UST: variants seen among roughly 807,000 people sequenced by gnomAD.
UST encodes uronyl 2-sulfotransferase.
Under a neutral mutation model 45.6 loss-of-function variants are expected in UST, and 21 were observed. The ratio of observed to expected loss-of-function variants is 0.46; its 90% CI spans 0.33 to 0.66. UST has a LOEUF of 0.66. Among genes scored for constraint, UST ranks in the 30% least tolerant of loss-of-function variants. The pLI, the probability that UST is intolerant of heterozygous loss-of-function variation, is 0.02. For missense variants in UST, 463 were observed against 512.4 expected (o/e 0.90, Z 0.93); for synonymous variants, 215 against 200.6 (o/e 1.07, Z -0.61).
In UST at chr6:148,908,000, G is replaced by A. The variant is rs148577545; in HGVS notation, c.291+20971G>A. Reference sequence around the variant, plus strand: ...CTTGGCTCACTGCAACCTCCGTCTCGCAGGTTCAAGCAATTCTCCTACCTC... The same window carrying A: ...CTTGGCTCACTGCAACCTCCGTCTCACAGGTTCAAGCAATTCTCCTACCTC... On this transcript the variant is annotated intron_variant, in intron 2 of 7. Transcript: ENST00000367463. Among the ~76,000 whole-genome samples the A allele has an allele frequency of 6.9e-3, 998 of 144,624 alleles. 10 individuals carry two copies. The highest frequency in any genetic ancestry group is 0.024 in the African/African-American group (944 of 39,238). The allele number at this position is 144,624 out of a possible 152,430, so 94.9% of individuals were successfully genotyped here.
At chr6:148,789,694 GCTGAATTACAGAGCCTC>G (rs1353727928) in intron 1 of UST, among the ~76,000 whole-genome samples, 1 of 151,788 alleles carries the variant, frequency 6.6e-6, no homozygotes, top group Admixed American at 6.6e-5. Flanking sequence ...AATTACGGAG[GCTGAATTACAGAGCCTC>G]CTGTAATTCA....
At chr6:149,037,859 C>T (rs1384750283) in intron 7 of UST, among the ~76,000 whole-genome samples, 1 of 152,166 alleles carries the variant, frequency 6.6e-6, no homozygotes, top group African/African-American at 2.4e-5. Context: ...GAAGCACTGC[C>T]GTAGATTTTC....
intron 1 of UST, among the ~76,000 whole-genome samples, chr6:148,759,971 A>C (rs767008491): frequency 1.3e-5 from 2 of 152,152 alleles, no homozygotes; most frequent in Non-Finnish European, 2.9e-5. Flanking sequence ...CTGTTCTTCA[A>C]ATCATGTGCT....
chr6:149,064,193 G>A (rs1048952965), intron 7 of UST, among the ~76,000 whole-genome samples: 2 of 152,254 alleles, frequency 1.3e-5, no homozygotes, highest in African/African-American at 2.4e-5. Context: ...CAAGCCTTGT[G>A]AGCAGGCATC....
intron 4 of UST, among the ~76,000 whole-genome samples, chr6:148,962,404 A>G (rs1780679488): frequency 6.6e-6 from 1 of 152,270 alleles, no homozygotes; most frequent in Non-Finnish European, 1.5e-5. Context: ...CATGAACATA[A>G]AAGAACAGTT....
intron 1 of UST, among the ~76,000 whole-genome samples, chr6:148,779,018 C>T (rs1776587283): frequency 6.6e-6 from 1 of 152,188 alleles, no homozygotes; most frequent in African/African-American, 2.4e-5. Context: ...GGGCTGCAGC[C>T]ATAGCTGTGG....
chr6:148,795,666 G>T (rs1260206446), intron 1 of UST, among the ~76,000 whole-genome samples: 1 of 152,120 alleles, frequency 6.6e-6, no homozygotes, highest in Non-Finnish European at 1.5e-5. Context: ...ATGGGCGTGG[G>T]TCTGTAGTCC....
chr6:148,969,773 T>C (rs1474591680), intron 5 of UST, among the ~76,000 whole-genome samples: 1 of 152,192 alleles, frequency 6.6e-6, no homozygotes, highest in Non-Finnish European at 1.5e-5. Context: ...GCTTCTGCTG[T>C]GGTCTCAAAT....
chr6:148,985,300 A>T (rs1363898686), intron 5 of UST, among the ~76,000 whole-genome samples: 5 of 152,144 alleles, frequency 3.3e-5, no homozygotes, highest in African/African-American at 1.2e-4. Context: ...AAGTTGTTGA[A>T]TTAGAGCCAT....
At chr6:148,833,067 A>G (rs78040474) in intron 1 of UST, among the ~76,000 whole-genome samples, 4 of 152,212 alleles carry the variant, frequency 2.6e-5, no homozygotes, top group Non-Finnish European at 2.9e-5. Context: ...TCCTCCTGAG[A>G]AAAAGCACCA....
At chr6:149,012,115 T>C (rs1775823024) in intron 5 of UST, among the ~76,000 whole-genome samples, 1 of 152,230 alleles carries the variant, frequency 6.6e-6, no homozygotes, top group Admixed American at 6.5e-5. Flanking sequence ...CTCTGCCTGA[T>C]GCTGATGCTT....
chr6:149,008,095 T>C (rs966944700), intron 5 of UST, among the ~76,000 whole-genome samples: 1 of 152,186 alleles, frequency 6.6e-6, no homozygotes, highest in Non-Finnish European at 1.5e-5. Flanking sequence ...GTGAGCTAAC[T>C]TATTTAGTGA....
intron 1 of UST, among the ~76,000 whole-genome samples, chr6:148,822,147 T>C (rs1777478986): frequency 1.3e-5 from 2 of 152,228 alleles, no homozygotes; most frequent in Non-Finnish European, 2.9e-5. Context: ...GGAAGGTTGC[T>C]GCTTCTAGGG....
intron 7 of UST, among the ~76,000 whole-genome samples, chr6:149,049,435 T>C (rs1776447047): frequency 6.6e-6 from 1 of 152,218 alleles, no homozygotes; most frequent in Admixed American, 6.5e-5. Context: ...AATGATTAAA[T>C]TGAAATGCTC....
intron 3 of UST, among the ~76,000 whole-genome samples, chr6:148,947,057 T>A (rs773109597): frequency 1.3e-5 from 2 of 151,796 alleles, no homozygotes; most frequent in Non-Finnish European, 2.9e-5. Flanking sequence ...GGAATCTGAT[T>A]AAAATATAGT....
chr6:148,870,800 T>C (rs190506536), intron 1 of UST, among the ~76,000 whole-genome samples: 37 of 152,256 alleles, frequency 2.4e-4, no homozygotes, highest in East Asian at 5.8e-4. Flanking sequence ...CTTCCTGGAG[T>C]TCAGGGCCTC....
At chr6:149,003,510 T>A (rs1781591773) in intron 5 of UST, among the ~76,000 whole-genome samples, 1 of 151,966 alleles carries the variant, frequency 6.6e-6, no homozygotes, top group Non-Finnish European at 1.5e-5. Context: ...TAACCTCTGC[T>A]GAAAGACATT....
At chr6:148,859,971 A>G (rs1489780381) in intron 1 of UST, among the ~76,000 whole-genome samples, 1 of 152,230 alleles carries the variant, frequency 6.6e-6, no homozygotes, top group Non-Finnish European at 1.5e-5. Context: ...TGTCTTGGCA[A>G]TGCAGGCTCT....
chr6:148,786,616 AT>A (rs1776739840), intron 1 of UST, among the ~76,000 whole-genome samples: 1 of 152,024 alleles, frequency 6.6e-6, no homozygotes, highest in Non-Finnish European at 1.5e-5. Context: ...TTTGTGCCAC[AT>A]TTTCTTTATC....
Sources: gnomAD v4.1 joint callset for allele counts (sites outside exome capture counted in the v4.1 genomes callset) on GRCh38, gnomAD v4.1.1 for gene constraint, MANE v1.5 for transcripts, NCBI Gene and HGNC (gene_info 2026-07-23, HGNC 2026-07-21) for gene names.